The following ATP2B3 variants were observed in gnomAD, a reference collection of about 807,000 sequenced individuals.
The protein encoded by ATP2B3 is ATPase plasma membrane Ca2+ transporting 3, also known as plasma membrane calcium-transporting ATPase 3.
A neutral mutation model predicts 70.8 loss-of-function variants in ATP2B3; 12 were observed. That is an observed-to-expected ratio of 0.17 (90% CI 0.11 to 0.27). ATP2B3 has a LOEUF of 0.27. Ranked by LOEUF, ATP2B3 falls within the 10% of genes least tolerant of loss-of-function variation. The probability of loss-of-function intolerance (pLI) is 1.00; values close to 1 mark genes in which losing one functional copy is unlikely to be tolerated. For missense variants in ATP2B3, 858 were observed against 1,118.5 expected (o/e 0.77, Z 3.32); for synonymous variants, 460 against 497.8 (o/e 0.92, Z 1.01).
chrX:153,549,910 G>A (rs1557010670), intron 11 of ATP2B3, 135 bp from the exon 12 acceptor site: 1 of 1,091,358 alleles, frequency 9.2e-7, no homozygotes, highest in African/African-American at 1.8e-5. Flanking sequence ...TGTAGCTAAG[G>A]CCGACCTTCC....
intron 19 of ATP2B3, among the ~76,000 whole-genome samples, chrX:153,561,230 A>G (rs1163357199): frequency 8.9e-6 from 1 of 112,062 alleles, no homozygotes; most frequent in African/African-American, 3.2e-5. Context: ...ATTCCTTGGC[A>G]TGAGGCTGCC....
chrX:153,525,173 G>A (rs2090013188), intron 2 of ATP2B3, among the ~76,000 whole-genome samples: 1 of 112,351 alleles, frequency 8.9e-6, no homozygotes, highest in South Asian at 3.7e-4. Flanking sequence ...GGCAGAAGAT[G>A]ACCTCAAATG....
rs374102145 is a variant in ATP2B3, at chrX:153,541,830, G to A, written c.568G>A (p.Glu190Lys). 9 of 1,209,926 alleles carry A rather than the reference G, an allele frequency of 7.4e-6. No homozygotes were observed. Among genetic ancestry groups the A allele is most frequent in the Non-Finnish European group, 1.0e-5 (9 of 895,209 alleles). The change falls in exon 5 of 22, where the codon GAG (glutamate) becomes AAG (lysine). Residue 190 changes from glutamate to lysine, a missense_variant. This residue lies in a region of ATP2B3 where 278 missense variants were observed against 366.2 expected (regional missense o/e 0.76). Transcript: ENST00000263519. ...GTTCCGAGGCCTGCAGAGCCGAATTGAGCAGGAGCAGAAGTTCACGGTCAT... is the reference window on the plus strand; with the variant it reads ...GTTCCGAGGCCTGCAGAGCCGAATTAAGCAGGAGCAGAAGTTCACGGTCAT... Reference protein sequence around the residue: ...KQFRGLQSRIEQEQKFTVIRN... With the variant: ...KQFRGLQSRIKQEQKFTVIRN...
intron 17 of ATP2B3, 53 bp downstream of exon 17, chrX:153,558,356 A>G: frequency 9.4e-7 from 1 of 1,067,957 alleles, no homozygotes; most frequent in Non-Finnish European, 1.2e-6. Flanking sequence ...CTCAGGCCTG[A>G]GGGCCAGATT....
chrX:153,560,997 A>G, intron 19 of ATP2B3, 110 bp downstream of exon 19: 1 of 918,556 alleles, frequency 1.1e-6, no homozygotes, highest in Middle Eastern at 2.8e-4. Flanking sequence ...CTCCACTCCC[A>G]GAAGGAGCCC....
chrX:153,538,807 G>A (rs1474529062), intron 3 of ATP2B3, among the ~76,000 whole-genome samples: 7 of 113,072 alleles, frequency 6.2e-5, no homozygotes, highest in Non-Finnish European at 1.1e-4. Context: ...GCTGCAGTGG[G>A]GCAGCCGTCG....
chrX:153,536,521 G>C (rs1320327805), intron 3 of ATP2B3, 66 bp downstream of exon 3: 10 of 1,111,334 alleles, frequency 9.0e-6, no homozygotes, highest in South Asian at 1.9e-5. Flanking sequence ...CGACCTGAAG[G>C]CATCCTTAGC....
chrX:153,546,648 G>A (rs1449423492), intron 8 of ATP2B3, among the ~76,000 whole-genome samples: 7 of 113,562 alleles, frequency 6.2e-5, no homozygotes, highest in Non-Finnish European at 1.9e-5. Context: ...GTGAGACGCA[G>A]GAAGCAGGAG....
Position 153,547,892 on chromosome X carries a change from G to A in ATP2B3, c.1016G>A (p.Gly339Asp). Residue 339 changes from glycine to aspartate, a missense_variant, in exon 9 of 22, where the codon GGT becomes GAT. By Grantham distance (94) the Gly-to-Asp change is moderately conservative (BLOSUM62 -1). Around this residue, in one of 5 missense-constraint regions of ATP2B3, gnomAD observed 278 missense variants for 366.2 expected, o/e 0.76. Transcript: ENST00000263519. ...MEMQPLKSAE[G>D]GEMEEREKKK... ...ATGCAGCCCCTGAAGAGCGCGGAGG[G>A]TGGGGAGATGGAGGAGCGGGAGAAG... 8.3e-7 allele frequency: 1 copy of A among 1,211,284 alleles called. No individual in the cohort carries two copies. Among genetic ancestry groups the A allele is most frequent in the Non-Finnish European group, 1.1e-6 (1 of 895,122 alleles).
rs1557012333 is a variant in ATP2B3, at chrX:153,553,207, G to A, written c.1996G>A (p.Glu666Lys). 2 of 1,209,900 alleles carry A rather than the reference G, an allele frequency of 1.7e-6. No individual in the cohort carries two copies. The highest frequency in any genetic ancestry group is 2.2e-6 in the Non-Finnish European group (2 of 895,092). The change falls in exon 13 of 22, where the codon GAG becomes AAG. Residue 666 changes from glutamate to lysine, a missense_variant. By Grantham distance (56) the Glu-to-Lys change is moderately conservative. Coordinates refer to ENST00000263519, the MANE Select transcript of ATP2B3 (RefSeq NM_001001344.3). ...GGAGCCCGACTGGGACAACGAGAATGAGGTCGTGGGTGACCTCACCTGCAT... is the reference window on the plus strand; with the variant it reads ...GGAGCCCGACTGGGACAACGAGAATAAGGTCGTGGGTGACCTCACCTGCAT... ...GQEPDWDNEN[E>K]VVGDLTCIAV...
At chrX:153,530,134 C>T (rs1172427152) in intron 2 of ATP2B3, among the ~76,000 whole-genome samples, 1 of 112,615 alleles carries the variant, frequency 8.9e-6, no homozygotes, top group Non-Finnish European at 1.9e-5. Context: ...GTGGCTGCAC[C>T]GTCTTCCATT....
At chrX:153,523,273 G>C (rs143935200) in intron 2 of ATP2B3, among the ~76,000 whole-genome samples, 4,137 of 112,539 alleles carry the variant, frequency 0.037, 93 homozygotes, top group East Asian at 0.11. Flanking sequence ...TATTTACCAA[G>C]CACCCGGGAT....
intron 3 of ATP2B3, among the ~76,000 whole-genome samples, chrX:153,536,986 G>C (rs3020945): frequency 9.0e-6 from 1 of 111,690 alleles, no homozygotes; most frequent in East Asian, 2.9e-4. Flanking sequence ...GCTGGGTCAC[G>C]GGAGGCCCAG....
chrX:153,581,776 G>A lies in ATP2B3; in HGVS notation c.*1478G>A, dbSNP rs782646257. 2 of 112,792 alleles carry A rather than the reference G, an allele frequency of 1.8e-5. No individual in the cohort carries two copies. Among genetic ancestry groups the A allele is most frequent in the Admixed American group, 9.3e-5 (1 of 10,739 alleles). The allele number at this position is 112,792 out of a possible 1,213,427, so 9.3% of individuals were successfully genotyped here. ...GCACTCTTCCCACCCTAGTCTTTGT[G>A]TCCAGCGGCCAAGCTTAAGCCATGA... is the stretch of plus-strand genomic sequence containing the variant. On this transcript the variant is annotated 3_prime_UTR_variant, in exon 22 of 22. Coordinates refer to ENST00000263519, the MANE Select transcript of ATP2B3 (RefSeq NM_001001344.3).
At chrX:153,550,753 C>T (rs1273201433) in intron 12 of ATP2B3, among the ~76,000 whole-genome samples, 4 of 111,536 alleles carry the variant, frequency 3.6e-5, no homozygotes, top group African/African-American at 6.5e-5. Flanking sequence ...CATGCCACCA[C>T]GCCCAGCGAA....
Position 153,548,650 on chromosome X carries a change from G to A in ATP2B3, c.1134G>A (p.Met378Ile). The A allele has an allele frequency of 8.3e-7, 1 of 1,209,916 alleles. No homozygotes were observed. The highest frequency in any genetic ancestry group is 1.8e-5 in the South Asian group (1 of 56,847). ...AVQIGKAGLVMSAITVIILVL... is the reference protein window; with the variant it reads ...AVQIGKAGLVISAITVIILVL... ...CCCGCTCTGTGGCAGGGCTGGTGAT[G>A]TCTGCCATCACCGTCATCATCCTGG... The change falls in exon 10 of 22, where the codon ATG becomes ATA. Residue 378 changes from methionine to isoleucine, a missense_variant. This residue lies in a region of ATP2B3 where 278 missense variants were observed against 366.2 expected (regional missense o/e 0.76). Transcript: ENST00000263519.
In ATP2B3 at chrX:153,548,773, C is replaced by T; in HGVS notation, c.1257C>T (p.Ile419=). The change falls in exon 10 of 22, where the codon ATC becomes ATT. Residue 419 remains isoleucine, a synonymous_variant. Coordinates refer to ENST00000263519, the MANE Select transcript of ATP2B3 (RefSeq NM_001001344.3). ...VYVQYFVKFF[I]IGVTVLVVAV... is the part of the protein sequence containing the mutation. ...TACAATACTTCGTGAAGTTCTTCAT[C>T]ATTGGTGTCACTGTGCTGGTCGTGG... 8.3e-7 allele frequency: 1 copy of T among 1,211,885 alleles called. No homozygotes were observed. The highest frequency in any genetic ancestry group is 1.8e-5 in the South Asian group (1 of 56,958).
intron 12 of ATP2B3, among the ~76,000 whole-genome samples, chrX:153,552,450 TC>T (rs1392224540): frequency 4.5e-5 from 5 of 112,067 alleles, no homozygotes; most frequent in African/African-American, 1.3e-4. Flanking sequence ...CTCCCTCCTC[TC>T]CCCACCTGAA....
chrX:153,575,711 C>T (rs1031809724), intron 21 of ATP2B3, among the ~76,000 whole-genome samples: 1 of 112,153 alleles, frequency 8.9e-6, no homozygotes, highest in African/African-American at 3.2e-5. Context: ...GAGCCGGAGC[C>T]GAGAGGCTGT....
Sources: gnomAD v4.1 joint callset for allele counts (sites outside exome capture counted in the v4.1 genomes callset) on GRCh38, gnomAD v4.1.1 for gene constraint, gnomAD v4.1.1 regional missense constraint, MANE v1.5 for transcripts, NCBI Gene and HGNC (gene_info 2026-07-23, HGNC 2026-07-21) for gene names.